Variants in SCARA3 observed in about 807,000 individuals in gnomAD.
SCARA3 encodes the protein cellular stress response gene protein.
SCARA3 carries 39 observed loss-of-function variants against 47.0 expected under a neutral mutation model. That is an observed-to-expected ratio of 0.83 (90% CI 0.64 to 1.08). The LOEUF (loss-of-function observed/expected upper bound fraction) is 1.08, where lower values mean the gene tolerates loss of function less well. Among genes scored for constraint, SCARA3 ranks in the 50% least tolerant of loss-of-function variants. The pLI is 0.00. For synonymous variants in SCARA3, 356 were observed against 334.1 expected, an observed-to-expected ratio of 1.07 and a Z score of -0.71; for missense variants, 724 against 792.3, an observed-to-expected ratio of 0.91 and a Z score of 1.04.
the SCARA3 span, among the ~76,000 whole-genome samples, chr8:27,705,357 G>C: frequency 6.6e-6 from 1 of 152,238 alleles, no homozygotes; most frequent in Non-Finnish European, 1.5e-5. Flanking sequence ...GCTGGAGAGA[G>C]AAACTACCCC....
At chr8:27,723,505 T>C in the SCARA3 span, among the ~76,000 whole-genome samples, 5 of 152,196 alleles carry the variant, frequency 3.3e-5, no homozygotes, top group Admixed American at 1.3e-4. Context: ...TGCTGATTTC[T>C]TACAAATTAC....
chr8:27,728,365 C>A, the SCARA3 span, among the ~76,000 whole-genome samples: 2 of 152,182 alleles, frequency 1.3e-5, no homozygotes, highest in South Asian at 4.1e-4. Flanking sequence ...CCTGAAGAAC[C>A]CACAAATGGG....
chr8:27,659,130 C>T lies in SCARA3; in HGVS notation c.960C>T (p.Asp320=). 1 of 1,614,130 alleles carries T rather than the reference C, an allele frequency of 6.2e-7. No individual in the cohort carries two copies. Among genetic ancestry groups the T allele is most frequent in the Non-Finnish European group, 8.5e-7 (1 of 1,180,036 alleles). Residue 320 remains aspartate (D), a synonymous_variant, in exon 5 of 6, where the codon GAC becomes GAT. Coordinates refer to ENST00000301904, the MANE Select transcript of SCARA3 (RefSeq NM_016240.3). ...ATAACATCTCGTCCTTCCTGGATGA[C>T]CACGAAGAGAACATGCATGATCTTC... The part of the protein sequence containing the change: ...QLDNISSFLD[D]HEENMHDLQY...
At chr8:27,653,541 G>A (rs905165671) in intron 3 of SCARA3, among the ~76,000 whole-genome samples, 5 of 149,922 alleles carry the variant, frequency 3.3e-5, no homozygotes, top group South Asian at 2.1e-4. Flanking sequence ...AATAATATTT[G>A]TTGAAAGAAT....
the SCARA3 span, among the ~76,000 whole-genome samples, chr8:27,685,328 A>G: frequency 6.6e-6 from 1 of 152,238 alleles, no homozygotes; most frequent in African/African-American, 2.4e-5. Flanking sequence ...CCACAAGGAA[A>G]GCAACAGGTC....
Position 27,649,727 on chromosome 8 carries a change from T to C in SCARA3, c.33T>C (p.Asp11=). Residue 11 remains aspartate (D), a synonymous_variant, in exon 2 of 6, where the codon GAT becomes GAC. Transcript: ENST00000301904. ...TGAGGTCGGCCGGCGGCGATGGAGA[T>C]GCCTTGTGCGTTACAGAAGAGGACC... The part of the protein sequence containing the change: MKVRSAGGDG[D]ALCVTEEDLA... The C allele has an allele frequency of 6.2e-7, 1 of 1,614,114 alleles. No homozygotes were observed. Among genetic ancestry groups the C allele is most frequent in the Non-Finnish European group, 8.5e-7 (1 of 1,180,020 alleles).
At chr8:27,683,844 A>G in the SCARA3 span, among the ~76,000 whole-genome samples, 4 of 152,202 alleles carry the variant, frequency 2.6e-5, no homozygotes, top group Non-Finnish European at 4.4e-5. Flanking sequence ...GAAGAGAAGG[A>G]AGAAGAAGAA....
chr8:27,692,554 C>T, the SCARA3 span, among the ~76,000 whole-genome samples: 1 of 152,120 alleles, frequency 6.6e-6, no homozygotes, highest in East Asian at 1.9e-4. Context: ...TGAAATGGTC[C>T]TGCAAAGCTG....
At chr8:27,699,959 A>G in the SCARA3 span, among the ~76,000 whole-genome samples, 3 of 152,230 alleles carry the variant, frequency 2.0e-5, no homozygotes, top group Admixed American at 1.3e-4. Context: ...AGTCTTTTCA[A>G]CAAATGATTT....
intron 1 of SCARA3, among the ~76,000 whole-genome samples, chr8:27,644,719 C>T (rs533004033): frequency 6.6e-6 from 1 of 152,156 alleles, no homozygotes; most frequent in African/African-American, 2.4e-5. Context: ...CACCTAGAGC[C>T]TATCATAACA....
the SCARA3 span, among the ~76,000 whole-genome samples, chr8:27,706,831 T>C: frequency 1.6e-4 from 25 of 152,038 alleles, no homozygotes; most frequent in African/African-American, 5.8e-4. Context: ...GAGTGATACC[T>C]ATGAGAAAAG....
chr8:27,659,507 G>A lies in SCARA3; in HGVS notation c.1337G>A (p.Gly446Glu). Residue 446 changes from glycine to glutamate, a missense_variant, in exon 5 of 6, where the codon GGA becomes GAA. Physicochemically the swap from Gly to Glu is moderately conservative, Grantham distance 98 (BLOSUM62 -2). Coordinates refer to ENST00000301904, the MANE Select transcript of SCARA3 (RefSeq NM_016240.3). ...EEMKAVDTQH[G>E]EILRNVTILR... is the part of the protein sequence containing the mutation. The stretch of plus-strand genomic sequence containing the variant: ...ATGAAGGCAGTGGACACACAGCATG[G>A]AGAAATCCTTCGCAATGTCACCATC... 6.2e-7 allele frequency: 1 copy of A among 1,612,492 alleles called. No homozygotes were observed. Among genetic ancestry groups the A allele is most frequent in the Non-Finnish European group, 8.5e-7 (1 of 1,178,974 alleles).
chr8:27,729,615 A>C, the SCARA3 span, among the ~76,000 whole-genome samples: 2 of 151,996 alleles, frequency 1.3e-5, no homozygotes, highest in South Asian at 4.2e-4. Flanking sequence ...ACATGGTGAA[A>C]CCCCGTCTCT....
chr8:27,701,641 T>C, the SCARA3 span: 1 of 150,642 alleles, frequency 6.6e-6, no homozygotes, highest in African/African-American at 2.4e-5. Flanking sequence ...TCTTGTTTTG[T>C]CACCCAGGCT....
At chr8:27,649,251 G>C (rs1801578033) in intron 1 of SCARA3, among the ~76,000 whole-genome samples, 1 of 152,176 alleles carries the variant, frequency 6.6e-6, no homozygotes, top group Non-Finnish European at 1.5e-5. Context: ...GCCTCCTCCT[G>C]GCTATGCTGG....
the SCARA3 span, among the ~76,000 whole-genome samples, chr8:27,699,799 A>C: frequency 6.6e-6 from 1 of 151,822 alleles, no homozygotes; most frequent in Admixed American, 6.6e-5. Flanking sequence ...AGAAAGAAAA[A>C]AAAAGACTTA....
intron 1 of SCARA3, among the ~76,000 whole-genome samples, chr8:27,641,568 A>G (rs972086085): frequency 5.3e-5 from 8 of 152,206 alleles, no homozygotes; most frequent in African/African-American, 1.7e-4. Flanking sequence ...GATGGAAGGG[A>G]CCATGGCCAG....
chr8:27,641,080 C>T (rs577448786), intron 1 of SCARA3, among the ~76,000 whole-genome samples: 4 of 152,326 alleles, frequency 2.6e-5, no homozygotes, highest in South Asian at 4.1e-4. Flanking sequence ...TGGAGATGGG[C>T]ATTTTAGCTA....
At position 27,651,508 on chromosome 8, in the gene SCARA3, G is replaced by C. The variant is rs199959277; in HGVS notation, c.107G>C (p.Gly36Ala). ...DMPTFPCTQK[G>A]RPGPRCSRCQ... is the part of the protein sequence containing the mutation. ...ATTGTCCTCCTTGTGTCCCCCACAGGCCGGCCAGGGCCCCGCTGCAGCCGC... is the reference window on the plus strand; with the variant it reads ...ATTGTCCTCCTTGTGTCCCCCACAGCCCGGCCAGGGCCCCGCTGCAGCCGC... The change falls in exon 3 of 6, where the codon GGC becomes GCC. Residue 36 changes from glycine (G) to alanine (A), a missense_variant and splice_region_variant. Coordinates refer to ENST00000301904, the MANE Select transcript of SCARA3 (RefSeq NM_016240.3). The C allele has an allele frequency of 1.9e-6, 3 of 1,611,272 alleles. No individual in the cohort carries two copies. The highest frequency in any genetic ancestry group is 2.5e-6 in the Non-Finnish European group (3 of 1,179,960).
Sources: allele counts gnomAD v4.1 joint callset (sites outside exome capture counted in the v4.1 genomes callset), GRCh38; gene constraint gnomAD v4.1.1; transcripts MANE v1.5; gene names NCBI Gene and HGNC (gene_info 2026-07-23, HGNC 2026-07-21).